The following CALN1 variants were observed in gnomAD, a reference collection of about 807,000 sequenced individuals.
CALN1 encodes calneuron 1.
A neutral mutation model predicts 30.6 loss-of-function variants in CALN1; 17 were observed. The observed-to-expected ratio is 0.56, with a 90% CI of 0.38 to 0.83. CALN1 has a LOEUF of 0.83. Among genes scored for constraint, CALN1 ranks in the 40% least tolerant of loss-of-function variants. The pLI is 0.00. For synonymous variants in CALN1, 156 were observed against 131.4 expected, an observed-to-expected ratio of 1.19 and a Z score of -1.28; for missense variants, 291 against 354.9, an observed-to-expected ratio of 0.82 and a Z score of 1.45.
At chr7:72,214,875 C>T (rs975866435) in intron 3 of CALN1, among the ~76,000 whole-genome samples, 3 of 151,750 alleles carry the variant, frequency 2.0e-5, no homozygotes, top group Non-Finnish European at 2.9e-5. Flanking sequence ...AGGTTGCACA[C>T]TCCTTATGAG....
At chr7:71,908,008 C>G (rs139321497) in intron 5 of CALN1, among the ~76,000 whole-genome samples, 2 of 152,332 alleles carry the variant, frequency 1.3e-5, no homozygotes, top group Admixed American at 6.5e-5. Flanking sequence ...AGAAATGTTT[C>G]CTATACCAGA....
At chr7:72,055,814 C>A (rs115353738) in intron 4 of CALN1, among the ~76,000 whole-genome samples, 1 of 151,900 alleles carries the variant, frequency 6.6e-6, no homozygotes, top group African/African-American at 2.4e-5. Context: ...AAGTTTGAAA[C>A]CAGCCTAGGC....
intron 4 of CALN1, among the ~76,000 whole-genome samples, chr7:72,102,130 G>C (rs1806715381): frequency 6.6e-6 from 1 of 152,108 alleles, no homozygotes; most frequent in Non-Finnish European, 1.5e-5. Context: ...CCTGTGCCCA[G>C]TCCATTTTTC....
intron 5 of CALN1, among the ~76,000 whole-genome samples, chr7:71,834,054 T>G (rs1451809826): frequency 6.6e-6 from 1 of 151,420 alleles, no homozygotes; most frequent in Non-Finnish European, 1.5e-5. Flanking sequence ...AAACCCCATC[T>G]CTACTAAAAA....
At chr7:72,387,144 A>C (rs1585633068) in intron 2 of CALN1, among the ~76,000 whole-genome samples, 1 of 146,644 alleles carries the variant, frequency 6.8e-6, no homozygotes, top group South Asian at 2.3e-4. Context: ...GTATAAAATA[A>C]GTATCCATAA....
chr7:71,890,410 A>G (rs757293836), intron 5 of CALN1, among the ~76,000 whole-genome samples: 15 of 152,172 alleles, frequency 9.9e-5, no homozygotes, highest in Non-Finnish European at 2.1e-4. Context: ...ACTGTGACAT[A>G]AAACACTCAT....
At chr7:71,874,615 G>A (rs1376646912) in intron 5 of CALN1, among the ~76,000 whole-genome samples, 1 of 152,152 alleles carries the variant, frequency 6.6e-6, no homozygotes, top group Admixed American at 6.5e-5. Context: ...TACAGTAATT[G>A]GGTCTAGAAT....
chr7:72,380,901 T>C (rs1012255808), intron 2 of CALN1, among the ~76,000 whole-genome samples: 1 of 152,078 alleles, frequency 6.6e-6, no homozygotes, highest in Non-Finnish European at 1.5e-5. Context: ...CCTAAAAGGA[T>C]GCAGGAAGAC....
Position 72,164,932 on chromosome 7 carries a change from G to C in CALN1, c.245-58638C>G, listed in dbSNP as rs550976893. On this transcript the variant is annotated intron_variant, in intron 3 of 6. Transcript: ENST00000395275. The stretch of plus-strand genomic sequence containing the variant: ...CTGACCTCAGACTCCCGGCCTCAAG[G>C]GATCCTCCTGCCTCAGTCTTCCAAA... Among the ~76,000 whole-genome samples, 5 of 145,126 alleles carry C rather than the reference G, an allele frequency of 3.4e-5. No homozygotes were observed. The East Asian group carries it at 1.1e-3, about 31-fold the overall frequency.
chr7:72,184,872 A>C (rs1248005997), intron 3 of CALN1, among the ~76,000 whole-genome samples: 1 of 151,932 alleles, frequency 6.6e-6, no homozygotes, highest in African/African-American at 2.4e-5. Context: ...AGCTCGCTGC[A>C]GCCTTGAACT....
chr7:72,264,324 A>C (rs1275233626), intron 3 of CALN1, among the ~76,000 whole-genome samples: 13 of 152,076 alleles, frequency 8.5e-5, no homozygotes. Flanking sequence ...AAGAACACTC[A>C]CTTTATAGAA....
chr7:72,203,642 T>C (rs1041039881), intron 3 of CALN1, among the ~76,000 whole-genome samples: 1 of 152,202 alleles, frequency 6.6e-6, no homozygotes. Flanking sequence ...CTGGTGCTTC[T>C]CTATTTCACT....
intron 3 of CALN1, among the ~76,000 whole-genome samples, chr7:72,241,275 G>C (rs1302930165): frequency 6.6e-6 from 1 of 152,192 alleles, no homozygotes; most frequent in Non-Finnish European, 1.5e-5. Flanking sequence ...GGAAGGGAGA[G>C]TCGTTTCTTA....
chr7:72,383,234 G>A (rs1444094413), intron 2 of CALN1, among the ~76,000 whole-genome samples: 2 of 152,184 alleles, frequency 1.3e-5, no homozygotes, highest in African/African-American at 4.8e-5. Flanking sequence ...AACGGTACAT[G>A]TGTCTTCCTG....
intron 2 of CALN1, among the ~76,000 whole-genome samples, chr7:72,386,816 A>G (rs970321922): frequency 1.1e-4 from 16 of 152,090 alleles, no homozygotes; most frequent in African/African-American, 3.6e-4. Context: ...AAAAAAATAA[A>G]TTTAAGGGGT....
chr7:71,780,533 T>A lies in CALN1; in HGVS notation c.*7242A>T, dbSNP rs936886315. 1.3e-5 allele frequency: 2 copies of A among 152,156 alleles called. No individual in the cohort carries two copies. The highest frequency in any genetic ancestry group is 1.3e-4 in the Admixed American group (2 of 15,258). 9.4% of individuals were successfully genotyped at this position (152,156 alleles called of 1,614,324 possible). On this transcript the variant is annotated 3_prime_UTR_variant, in exon 7 of 7. Coordinates refer to ENST00000395275, the MANE Select transcript of CALN1 (RefSeq NM_031468.4). Reference sequence around the variant, plus strand: ...AGCAGGCACCGCTCAGCACTCAGCATCCCTCATTAGCCATTTAAAGGGCTG... The same window carrying A: ...AGCAGGCACCGCTCAGCACTCAGCAACCCTCATTAGCCATTTAAAGGGCTG...
At chr7:72,051,734 G>C (rs529033446) in intron 4 of CALN1, among the ~76,000 whole-genome samples, 2 of 152,164 alleles carry the variant, frequency 1.3e-5, no homozygotes, top group Non-Finnish European at 2.9e-5. Context: ...TCCAGAACTT[G>C]AGTACAATTT....
At chr7:72,337,399 C>T (rs544385544) in intron 2 of CALN1, among the ~76,000 whole-genome samples, 3 of 113,226 alleles carry the variant, frequency 2.6e-5, no homozygotes, top group South Asian at 6.6e-4. Context: ...AACGCCTCGG[C>T]GCGCGCGCAC....
intron 2 of CALN1, among the ~76,000 whole-genome samples, chr7:72,393,893 G>T (rs1805747461): frequency 6.6e-6 from 1 of 152,094 alleles, no homozygotes; most frequent in South Asian, 2.1e-4. Flanking sequence ...AGGATTACAG[G>T]CATGGGCCAC....
Sources: gnomAD v4.1 joint callset for allele counts (sites outside exome capture counted in the v4.1 genomes callset) on GRCh38, gnomAD v4.1.1 for gene constraint, MANE v1.5 for transcripts, NCBI Gene and HGNC (gene_info 2026-07-23, HGNC 2026-07-21) for gene names.